The following PSKH2 variants were observed in gnomAD, a reference collection of about 807,000 sequenced individuals.
PSKH2 encodes protein serine kinase H2.
Under a neutral mutation model 22.5 loss-of-function variants are expected in PSKH2, and 16 were observed. The observed-to-expected ratio is 0.71, with a 90% CI of 0.48 to 1.08. The LOEUF is 1.08. Ranked by LOEUF, PSKH2 falls within the 50% of genes least tolerant of loss-of-function variation. PSKH2 has a pLI of 0.00. For synonymous variants in PSKH2, 188 were observed against 184.8 expected (o/e 1.02, Z -0.14); for missense variants, 516 against 492.8 (o/e 1.05, Z -0.44).
In PSKH2 at chr8:86,064,012, T is replaced by G; in HGVS notation, c.805A>C (p.Arg269=). 6.2e-7 allele frequency: 1 copy of G among 1,613,958 alleles called. No homozygotes were observed. Among genetic ancestry groups the G allele is most frequent in the Non-Finnish European group, 8.5e-7 (1 of 1,179,928 alleles). ...FLPFDDESQT[R]LYRKILKGKY... ...CCTTTCAGAATCTTCCTGTAAAGCC[T>G]TGTCTGGCTTTCATCATCAAAAGGC... The change falls in exon 2 of 3, where the codon AGG becomes CGG. Residue 269 remains arginine, a synonymous_variant. Transcript: ENST00000276616.
chr8:86,063,690 T>C (rs961634699), intron 2 of PSKH2, among the ~76,000 whole-genome samples: 3 of 152,218 alleles, frequency 2.0e-5, no homozygotes, highest in Non-Finnish European at 4.4e-5. Flanking sequence ...AGGCAGCTAG[T>C]AATGGAGGCC....
intron 2 of PSKH2, among the ~76,000 whole-genome samples, chr8:86,057,147 C>T (rs930288757): frequency 2.0e-5 from 3 of 151,890 alleles, no homozygotes; most frequent in African/African-American, 7.3e-5. Flanking sequence ...TGGCCTTGAA[C>T]TCTTGGGCTC....
Position 86,064,067 on chromosome 8 carries a change from C to T in PSKH2, c.750G>A (p.Val250=), listed in dbSNP as rs1442602874. Residue 250 remains valine (V), a synonymous_variant, in exon 2 of 3, where the codon GTG becomes GTA. Coordinates refer to ENST00000276616, the MANE Select transcript of PSKH2 (RefSeq NM_033126.3). ...ATCCGCTAAGTAAAGCATATGTGAT[C>T]ACACCAAGAGCCCACATGTCCACTG... ...TSAVDMWALG[V]ITYALLSGFL... 2 of 1,614,006 alleles carry T rather than the reference C, an allele frequency of 1.2e-6. No individual in the cohort carries two copies. Among genetic ancestry groups the T allele is most frequent in the Non-Finnish European group, 8.5e-7 (1 of 1,180,024 alleles).
chr8:86,068,257 A>G (rs1024752184), intron 1 of PSKH2, among the ~76,000 whole-genome samples: 4 of 152,198 alleles, frequency 2.6e-5, no homozygotes, highest in African/African-American at 9.6e-5. Context: ...ACTGTGACGA[A>G]GTGAGCATGC....
At chr8:86,065,212 G>C (rs1310297686) in intron 1 of PSKH2, among the ~76,000 whole-genome samples, 1 of 152,180 alleles carries the variant, frequency 6.6e-6, no homozygotes, top group Non-Finnish European at 1.5e-5. Context: ...TTTCTCAAAG[G>C]CTGAGGATCC....
At chr8:86,066,066 C>T (rs1234177969) in intron 1 of PSKH2, among the ~76,000 whole-genome samples, 1 of 152,038 alleles carries the variant, frequency 6.6e-6, no homozygotes, top group Admixed American at 6.6e-5. Context: ...CTTAAAATCA[C>T]GATTGTATAG....
At chr8:86,062,233 A>C (rs1395593861) in intron 2 of PSKH2, among the ~76,000 whole-genome samples, 1 of 152,216 alleles carries the variant, frequency 6.6e-6, no homozygotes, top group East Asian at 1.9e-4. Flanking sequence ...GGGGACTATC[A>C]TACTCTATCA....
intron 2 of PSKH2, among the ~76,000 whole-genome samples, chr8:86,053,431 T>C (rs1817660082): frequency 6.6e-6 from 1 of 152,152 alleles, no homozygotes; most frequent in Non-Finnish European, 1.5e-5. Flanking sequence ...TCTCTTTATC[T>C]AGCGGTCACA....
At chr8:86,048,819 C>T (rs1220745849) in intron 2 of PSKH2, 52 bp from the exon 3 acceptor site, 4 of 1,386,704 alleles carry the variant, frequency 2.9e-6, no homozygotes, top group Non-Finnish European at 3.9e-6. Context: ...TGGAAATATA[C>T]ACAAACACAA....
chr8:86,060,832 G>C (rs763084051), intron 2 of PSKH2, among the ~76,000 whole-genome samples: 4 of 152,198 alleles, frequency 2.6e-5, no homozygotes, highest in Admixed American at 2.0e-4. Context: ...GCTATAGGCA[G>C]ACATTTCCTC....
At chr8:86,058,193 T>C (rs909166456) in intron 2 of PSKH2, among the ~76,000 whole-genome samples, 1 of 152,184 alleles carries the variant, frequency 6.6e-6, no homozygotes, top group Non-Finnish European at 1.5e-5. Flanking sequence ...GAGGAAATCT[T>C]TGCTCTCTTC....
chr8:86,051,490 TAA>T (rs927081569), intron 2 of PSKH2, among the ~76,000 whole-genome samples: 10 of 152,028 alleles, frequency 6.6e-5, no homozygotes, highest in African/African-American at 2.2e-4. Context: ...ATCCCAGAAA[TAA>T]AAGTTATAAA....
At chr8:86,052,879 T>A (rs899031825) in intron 2 of PSKH2, among the ~76,000 whole-genome samples, 1 of 152,246 alleles carries the variant, frequency 6.6e-6, no homozygotes, top group African/African-American at 2.4e-5. Flanking sequence ...TTTCTTCCTC[T>A]GGTTCTTTGC....
At chr8:86,052,024 C>T (rs960131554) in intron 2 of PSKH2, among the ~76,000 whole-genome samples, 2 of 152,108 alleles carry the variant, frequency 1.3e-5, no homozygotes, top group Non-Finnish European at 2.9e-5. Flanking sequence ...AATTGATTTT[C>T]ATCTATGTTT....
chr8:86,051,394 A>G (rs900494654), intron 2 of PSKH2, among the ~76,000 whole-genome samples: 8 of 152,214 alleles, frequency 5.3e-5, no homozygotes, highest in Non-Finnish European at 7.3e-5. Flanking sequence ...GCCTTAATCC[A>G]GAATTTGAAT....
intron 2 of PSKH2, among the ~76,000 whole-genome samples, chr8:86,056,894 G>A (rs1817703693): frequency 6.8e-6 from 1 of 146,606 alleles, no homozygotes; most frequent in Non-Finnish European, 1.5e-5. Flanking sequence ...TCTTGTTCCA[G>A]GTAGTTGGAG....
chr8:86,064,130 T>C lies in PSKH2; in HGVS notation c.687A>G (p.Ile229Met), dbSNP rs760354333. The C allele has an allele frequency of 4.3e-6, 7 of 1,614,058 alleles. No homozygotes were observed. In the Admixed American group the frequency reaches 1.2e-4, roughly 27 times the overall value. Reference protein sequence around the residue: ...MKTLCGTPEYIAPEVLLRKPY... With the variant: ...MKTLCGTPEYMAPEVLLRKPY... The stretch of plus-strand genomic sequence containing the variant: ...GCTTCCTTAGCAAAACCTCAGGAGC[T>C]ATGTACTCTGGGGTCCCACAGAGTG... Residue 229 changes from isoleucine to methionine, a missense_variant, in exon 2 of 3, where the codon ATA becomes ATG. By Grantham distance (10) the Ile-to-Met change is conservative. Transcript: ENST00000276616.
Position 86,064,556 on chromosome 8 carries a change from T to C in PSKH2, c.261A>G (p.Lys87=), listed in dbSNP as rs554384362. ...VVRVEQKTTK[K]PFAIKVMETR... is the part of the protein sequence containing the mutation. The stretch of plus-strand genomic sequence containing the variant: ...TTTCCATCACTTTTATTGCAAAAGG[T>C]TTCTTGGTGGTCTTCTGCTCTACCC... The change falls in exon 2 of 3, where the codon AAA becomes AAG. Residue 87 remains lysine, a synonymous_variant. Coordinates refer to ENST00000276616, the MANE Select transcript of PSKH2 (RefSeq NM_033126.3). 78 of 1,614,072 alleles carry C rather than the reference T, an allele frequency of 4.8e-5. 1 individual carries two copies. In the South Asian group the frequency reaches 7.0e-4, roughly 15 times the overall value.
chr8:86,067,830 G>T (rs1315069924), intron 1 of PSKH2, among the ~76,000 whole-genome samples: 1 of 152,178 alleles, frequency 6.6e-6, no homozygotes, highest in African/African-American at 2.4e-5. Flanking sequence ...CTGTGTTCTA[G>T]TCCCAATTCT....
Sources: allele counts gnomAD v4.1 joint callset (sites outside exome capture counted in the v4.1 genomes callset), GRCh38; gene constraint gnomAD v4.1.1; transcripts MANE v1.5; gene names NCBI Gene and HGNC (gene_info 2026-07-23, HGNC 2026-07-21).